Variants in RNF141 observed in about 807,000 individuals in gnomAD.
The protein encoded by RNF141 is ring finger protein 141.
A neutral mutation model predicts 27.4 loss-of-function variants in RNF141; 18 were observed. That is an observed-to-expected ratio of 0.66 (90% confidence interval 0.45 to 0.97). The LOEUF (loss-of-function observed/expected upper bound fraction) is 0.97, where lower values mean the gene tolerates loss of function less well. Ranked by LOEUF, RNF141 falls within the 50% of genes least tolerant of loss-of-function variation. The pLI, the probability that RNF141 is intolerant of heterozygous loss-of-function variation, is 0.00. For synonymous variants in RNF141, 97 were observed against 96.6 expected, an observed-to-expected ratio of 1.00 and a Z score of -0.02; for missense variants, 230 against 279.4, an observed-to-expected ratio of 0.82 and a Z score of 1.26.
chr11:10,524,360 AGCCGAGATC>A lies in RNF141; in HGVS notation c.434+823_434+831del, dbSNP rs529005875. 1.1e-4 allele frequency among the ~76,000 whole-genome samples: 16 copies of A among 152,282 alleles called. No individual in the cohort carries two copies. In the South Asian group the frequency reaches 3.3e-3, roughly 32 times the overall value. ...AACCCGGGAGGCAGAGCTTGCAGTG[AGCCGAGATC>A]GCGCCTGGGCGACAGAGCAAGACTC... On this transcript the variant is annotated intron_variant, in intron 4 of 5. Transcript: ENST00000265981.
chr11:10,520,338 A>G (rs1254467330), intron 4 of RNF141, among the ~76,000 whole-genome samples: 1 of 152,110 alleles, frequency 6.6e-6, no homozygotes, highest in Non-Finnish European at 1.5e-5. Flanking sequence ...TATTTTTAAG[A>G]TTTATTTACT....
At chr11:10,527,488 A>T (rs746410045) in intron 3 of RNF141, among the ~76,000 whole-genome samples, 3 of 148,728 alleles carry the variant, frequency 2.0e-5, no homozygotes, top group Non-Finnish European at 4.6e-5. Context: ...GGCAAGGAGC[A>T]CAGAGAGTCT....
At chr11:10,537,876 T>A (rs1208849153) in intron 1 of RNF141, among the ~76,000 whole-genome samples, 1 of 152,254 alleles carries the variant, frequency 6.6e-6, no homozygotes, top group Non-Finnish European at 1.5e-5. Flanking sequence ...AATGTCTTCC[T>A]CCTGGCATAG....
At chr11:10,533,780 G>C (rs1209625767) in intron 2 of RNF141, among the ~76,000 whole-genome samples, 1 of 152,124 alleles carries the variant, frequency 6.6e-6, no homozygotes, top group Non-Finnish European at 1.5e-5. Context: ...ATATGCCTGT[G>C]CTGTGTTCCA....
rs1244579750 is a variant in RNF141, at chr11:10,530,712, GAGA to G, written c.180_182del (p.Leu61del). The G allele has an allele frequency of 1.3e-5, 21 of 1,609,822 alleles. No individual in the cohort carries two copies. Among genetic ancestry groups the G allele is most frequent in the Non-Finnish European group, 1.6e-5 (19 of 1,177,556 alleles). ...AATCAGACCCAGGTTGTACCTCAAA[GAGA>G]AGATGTTTTTCCTGGCCAGAAGCCA... On this transcript the variant is annotated inframe_deletion, in exon 3 of 6. Transcript: ENST00000265981.
At chr11:10,528,031 T>C (rs192759164) in intron 3 of RNF141, among the ~76,000 whole-genome samples, 15 of 152,362 alleles carry the variant, frequency 9.8e-5, no homozygotes, top group African/African-American at 2.4e-5. Context: ...CCTTAGTACC[T>C]AGTTTTTAAT....
chr11:10,521,698 T>C (rs1849888831), intron 4 of RNF141, among the ~76,000 whole-genome samples: 3 of 152,218 alleles, frequency 2.0e-5, no homozygotes, highest in Admixed American at 1.3e-4. Context: ...GTTGAAATGA[T>C]GAGATAGAAA....
chr11:10,526,827 T>C (rs1401435996), intron 3 of RNF141, among the ~76,000 whole-genome samples: 1 of 152,100 alleles, frequency 6.6e-6, no homozygotes, highest in East Asian at 1.9e-4. Flanking sequence ...TAAGAAATTT[T>C]AGAACCATCT....
At chr11:10,537,997 A>G (rs189899995) in intron 1 of RNF141, among the ~76,000 whole-genome samples, 2 of 152,328 alleles carry the variant, frequency 1.3e-5, no homozygotes, top group African/African-American at 4.8e-5. Context: ...AACTCAAAAT[A>G]ATCCTTATGC....
rs1849810426 is a variant in RNF141 at position 10,512,620 on chromosome 11, C to A, written c.*2296G>T. On this transcript the variant is annotated 3_prime_UTR_variant, in exon 6 of 6. Transcript: ENST00000265981. ...CTGAATTAAACTCAGCAAGTCTAAT[C>A]TAAAAGGACAATTTAAAATCTTAGA... 1 of 152,160 alleles carries A rather than the reference C, an allele frequency of 6.6e-6. No individual in the cohort carries two copies. The highest frequency in any genetic ancestry group is 1.5e-5 in the Non-Finnish European group (1 of 68,022). The allele number at this position is 152,160 out of a possible 1,614,324, so 9.4% of individuals were successfully genotyped here. A position where few individuals can be genotyped will look rare whatever the true frequency, so the allele number is the denominator to read the frequency against.
intron 1 of RNF141, among the ~76,000 whole-genome samples, chr11:10,535,827 A>G (rs1850029622): frequency 6.6e-6 from 1 of 152,258 alleles, no homozygotes; most frequent in South Asian, 2.1e-4. Flanking sequence ...TACCAGGTAT[A>G]CTACACATTG....
chr11:10,516,149 T>C (rs550062788), intron 5 of RNF141: 2 of 152,340 alleles, frequency 1.3e-5, no homozygotes, highest in Non-Finnish European at 2.9e-5. Context: ...ATATATTATT[T>C]AGGTTGATTT....
At chr11:10,523,018 A>G (rs1343263569) in intron 4 of RNF141, among the ~76,000 whole-genome samples, 12 of 152,232 alleles carry the variant, frequency 7.9e-5, no homozygotes, top group Non-Finnish European at 4.4e-5. Context: ...AGCAATAGGA[A>G]AAACTTCATA....
At chr11:10,526,434 C>T (rs748955278) in intron 3 of RNF141, among the ~76,000 whole-genome samples, 7 of 151,868 alleles carry the variant, frequency 4.6e-5, no homozygotes, top group Admixed American at 2.6e-4. Flanking sequence ...AGTTGTAACA[C>T]GTTTATTAAT....
At chr11:10,532,851 C>T (rs1014048289) in intron 2 of RNF141, among the ~76,000 whole-genome samples, 13 of 152,212 alleles carry the variant, frequency 8.5e-5, no homozygotes, top group African/African-American at 2.6e-4. Flanking sequence ...AACTGCTAGT[C>T]GATTTCATTC....
rs779943649 is a variant in RNF141, at chr11:10,517,935, T to C, written c.542+1099A>G. On this transcript the variant is annotated intron_variant, in intron 5 of 5. Coordinates refer to ENST00000265981, the MANE Select transcript of RNF141 (RefSeq NM_016422.4). ...TCATAAATTGAAATTTTAAATACCA[T>C]TTAAAATAGCATAAAACTATGAAAT... Among the ~76,000 whole-genome samples the C allele has an allele frequency of 2.2e-4, 34 of 152,156 alleles. 2 individuals carry two copies. The South Asian group carries it at 3.5e-3, about 16-fold the overall frequency.
chr11:10,533,541 G>GTATATA (rs72252394), intron 2 of RNF141, among the ~76,000 whole-genome samples: 1 of 150,676 alleles, frequency 6.6e-6, no homozygotes, highest in African/African-American at 2.4e-5. Flanking sequence ...GTAAAAAAAA[G>GTATATA]TATATATATA....
intron 1 of RNF141, among the ~76,000 whole-genome samples, chr11:10,537,102 G>T (rs1174213948): frequency 6.6e-6 from 1 of 152,186 alleles, no homozygotes; most frequent in Non-Finnish European, 1.5e-5. Flanking sequence ...AGAATGGGAT[G>T]GCCACTAAGT....
At chr11:10,515,537 C>T (rs900976467) in intron 5 of RNF141, 1 of 152,258 alleles carries the variant, frequency 6.6e-6, no homozygotes, top group Non-Finnish European at 1.5e-5. Flanking sequence ...TAAAGTATTC[C>T]TTTATAATAA....
Sources: allele counts gnomAD v4.1 joint callset (sites outside exome capture counted in the v4.1 genomes callset), GRCh38; gene constraint gnomAD v4.1.1; transcripts MANE v1.5; gene names NCBI Gene and HGNC (gene_info 2026-07-23, HGNC 2026-07-21).